Variants in PCDHA4 observed in about 807,000 individuals in gnomAD.
PCDHA4 encodes the protein protocadherin alpha-4.
A neutral mutation model predicts 61.4 loss-of-function variants in PCDHA4; 49 were observed. That is an observed-to-expected ratio of 0.80 (90% CI 0.63 to 1.01). The LOEUF is 1.01. PCDHA4 is among the 50% of genes least tolerant of loss of function. The pLI, the probability that PCDHA4 is intolerant of heterozygous loss-of-function variation, is 0.00. For synonymous variants in PCDHA4, 590 were observed against 550.3 expected, an observed-to-expected ratio of 1.07 and a Z score of -1.01; for missense variants, 1,254 against 1,235.8, an observed-to-expected ratio of 1.01 and a Z score of -0.22.
In PCDHA4 at chr5:141,010,015, C is replaced by G; in HGVS notation, c.*78C>G. On this transcript the variant is annotated 3_prime_UTR_variant, in exon 4 of 4. Transcript: ENST00000530339. ...CTCTCCCATGTAGCAATTCCCTGCT[C>G]CTTTTTCCTATCTACATGAGCCCTC... is the stretch of plus-strand genomic sequence containing the variant. 6.4e-7 allele frequency: 1 copy of G among 1,572,182 alleles called. No homozygotes were observed. Among genetic ancestry groups the G allele is most frequent in the Non-Finnish European group, 8.6e-7 (1 of 1,163,250 alleles).
intron 1 of PCDHA4, chr5:140,849,642 G>C (rs2150443693): frequency 3.8e-6 from 6 of 1,598,700 alleles, no homozygotes; most frequent in Admixed American, 3.4e-5. Flanking sequence ...AGATGCCAAC[G>C]GGCAGGTTAC....
chr5:140,948,839 G>A (rs2094310723), intron 1 of PCDHA4, among the ~76,000 whole-genome samples: 1 of 151,152 alleles, frequency 6.6e-6, no homozygotes, highest in African/African-American at 2.4e-5. Flanking sequence ...GCTTTTGTCT[G>A]TATTATTTGC....
intron 1 of PCDHA4, chr5:140,823,109 C>T (rs1197473169): frequency 6.2e-7 from 1 of 1,614,038 alleles, no homozygotes. Context: ...GTGGAAGTGG[C>T]CGACGTGAAC....
chr5:140,851,794 T>A, intron 1 of PCDHA4: 1 of 954,488 alleles, frequency 1.0e-6, no homozygotes, highest in Non-Finnish European at 1.3e-6. Flanking sequence ...ATTCACTTGT[T>A]CTGTCAGTAA....
At chr5:140,983,178 A>G (rs1302819191) in intron 3 of PCDHA4, among the ~76,000 whole-genome samples, 2 of 152,158 alleles carry the variant, frequency 1.3e-5, no homozygotes, top group Admixed American at 6.5e-5. Context: ...CCGCCTCACA[A>G]TTTCTTAGTT....
Position 140,927,154 on chromosome 5 carries a change from A to C in PCDHA4, c.2386-51795A>C, listed in dbSNP as rs141284501. 8 of 1,614,050 alleles carry C rather than the reference A, an allele frequency of 5.0e-6. No individual in the cohort carries two copies. The African/African-American group carries it at 8.0e-5, about 16-fold the overall frequency. On this transcript the variant is annotated intron_variant, in intron 1 of 3. Transcript: ENST00000530339. ...GCCGGCGGACCGCGAACAGCTGTGC[A>C]GGGCCAAAGCTGCCTGCGTCTTGAC...
chr5:140,971,032 G>A (rs540815935), intron 1 of PCDHA4, among the ~76,000 whole-genome samples: 4 of 152,302 alleles, frequency 2.6e-5, no homozygotes, highest in African/African-American at 7.2e-5. Context: ...GCATTTGAAA[G>A]CACGTAAAAG....
chr5:140,823,088 C>T (rs1554129125), intron 1 of PCDHA4: 5 of 1,613,882 alleles, frequency 3.1e-6, no homozygotes, highest in Non-Finnish European at 4.2e-6. Context: ...TGGGCCACCG[C>T]CAGCGTGTCT....
At chr5:140,955,720 T>C (rs921545021) in intron 1 of PCDHA4, among the ~76,000 whole-genome samples, 7 of 152,354 alleles carry the variant, frequency 4.6e-5, no homozygotes, top group East Asian at 1.9e-4. Flanking sequence ...AGGAATACCA[T>C]TGAATCTATA....
intron 1 of PCDHA4, among the ~76,000 whole-genome samples, chr5:140,874,822 T>C (rs2055124014): frequency 6.6e-6 from 1 of 152,252 alleles, no homozygotes; most frequent in East Asian, 1.9e-4. Context: ...TTTATATAAA[T>C]GAAATATTGT....
chr5:140,997,156 C>G (rs1266627646), intron 3 of PCDHA4, among the ~76,000 whole-genome samples: 1 of 152,106 alleles, frequency 6.6e-6, no homozygotes, highest in Non-Finnish European at 1.5e-5. Flanking sequence ...CAGTGACATC[C>G]TGCCCAGAGT....
Position 140,807,686 on chromosome 5 carries a change from C to T in PCDHA4, c.499C>T (p.Leu167=), listed in dbSNP as rs1472420956. ...ASDADIGENA[L]LTYRLSPNEY... is the part of the protein sequence containing the mutation. ...GGATGCAGATATCGGGGAGAACGCC[C>T]TGCTCACTTACAGACTGAGCCCAAA... The change falls in exon 1 of 4, where the codon CTG becomes TTG. Residue 167 remains leucine (L), a synonymous_variant. Transcript: ENST00000530339. 4.3e-6 allele frequency: 7 copies of T among 1,614,108 alleles called. No individual in the cohort carries two copies. Among genetic ancestry groups the T allele is most frequent in the Non-Finnish European group, 5.9e-6 (7 of 1,180,046 alleles).
At chr5:140,871,707 G>A (rs2053270634) in intron 1 of PCDHA4, 9 of 843,502 alleles carry the variant, frequency 1.1e-5, no homozygotes, top group Non-Finnish European at 1.6e-5. Flanking sequence ...ACCAATAAAT[G>A]TCCTATTTCT....
intron 1 of PCDHA4, chr5:140,836,571 G>T: frequency 6.2e-7 from 1 of 1,613,712 alleles, no homozygotes; most frequent in South Asian, 1.1e-5. Flanking sequence ...GTCCTCTGAG[G>T]GCGCATGTAG....
intron 1 of PCDHA4, among the ~76,000 whole-genome samples, chr5:140,844,595 AT>A (rs1205514835): frequency 1.2e-4 from 18 of 149,668 alleles, no homozygotes; most frequent in Middle Eastern, 3.5e-3. Context: ...GATATTTAAT[AT>A]ATGACTTAGA....
intron 1 of PCDHA4, among the ~76,000 whole-genome samples, chr5:140,908,903 C>T (rs116633080): frequency 2.5e-3 from 374 of 152,278 alleles, no homozygotes; most frequent in African/African-American, 8.5e-3. Context: ...AAGCCTCTTT[C>T]GTGGTTGTAG....
At chr5:140,917,650 T>C (rs897307157) in intron 1 of PCDHA4, among the ~76,000 whole-genome samples, 1 of 152,226 alleles carries the variant, frequency 6.6e-6, no homozygotes. Context: ...CCAGCAATAT[T>C]GAGTAGGAAG....
intron 1 of PCDHA4, among the ~76,000 whole-genome samples, chr5:140,959,991 G>A (rs2095520706): frequency 6.6e-6 from 1 of 152,168 alleles, no homozygotes; most frequent in South Asian, 2.1e-4. Flanking sequence ...GTTGGGATAT[G>A]AAATACAAAT....
rs782576297 is a variant in PCDHA4, at chr5:140,807,612, T to G, written c.425T>G (p.Ile142Ser). The stretch of plus-strand genomic sequence containing the variant: ...CCAGCAACACAAAAGAACCTGTCCA[T>G]CGCGGAATCCAGGCCGCTTGACTCT... ...VFPATQKNLS[I>S]AESRPLDSRF... Residue 142 changes from isoleucine (I) to serine (S), a missense_variant, in exon 1 of 4, where the codon ATC becomes AGC. Transcript: ENST00000530339. The G allele has an allele frequency of 1.2e-5, 19 of 1,614,012 alleles. No homozygotes were observed. The highest frequency in any genetic ancestry group is 1.6e-5 in the Non-Finnish European group (19 of 1,180,024).
Sources: gnomAD v4.1 joint callset for allele counts (sites outside exome capture counted in the v4.1 genomes callset) on GRCh38, gnomAD v4.1.1 for gene constraint, MANE v1.5 for transcripts, NCBI Gene and HGNC (gene_info 2026-07-23, HGNC 2026-07-21) for gene names.